RAPGEF2: variants seen among roughly 807,000 people sequenced by gnomAD.
RAPGEF2 encodes the protein Rap guanine nucleotide exchange factor 2.
In RAPGEF2, 54 loss-of-function variants were observed where a neutral mutation model predicts 186.7. The ratio of observed to expected loss-of-function variants is 0.29; its 90% CI spans 0.23 to 0.36. RAPGEF2 has a LOEUF of 0.36. RAPGEF2 is among the 10% of genes least tolerant of loss of function. The pLI, the probability that RAPGEF2 is intolerant of heterozygous loss-of-function variation, is 1.00. For missense variants in RAPGEF2, 1,532 were observed against 2,045.0 expected, an observed-to-expected ratio of 0.75 and a Z score of 4.84; for synonymous variants, 712 against 705.9, an observed-to-expected ratio of 1.01 and a Z score of -0.14.
chr4:159,269,666 T>C (rs1001228666), intron 7 of RAPGEF2, among the ~76,000 whole-genome samples: 1 of 152,174 alleles, frequency 6.6e-6, no homozygotes, highest in South Asian at 2.1e-4. Flanking sequence ...AGTGTGTGTA[T>C]GTTTGTGTGT....
intron 1 of RAPGEF2, among the ~76,000 whole-genome samples, chr4:159,138,986 C>T (rs995616502): frequency 6.6e-6 from 1 of 152,180 alleles, no homozygotes; most frequent in Non-Finnish European, 1.5e-5. Flanking sequence ...AATAGAGTCT[C>T]AGGCAACTTG....
chr4:159,214,866 T>C (rs552378719), intron 4 of RAPGEF2, among the ~76,000 whole-genome samples: 68 of 152,336 alleles, frequency 4.5e-4, no homozygotes, highest in African/African-American at 1.6e-3. Flanking sequence ...ACAATTTTTA[T>C]TTTGTGGGGA....
intron 1 of RAPGEF2, among the ~76,000 whole-genome samples, chr4:159,178,745 A>G (rs1746720448): frequency 6.6e-6 from 1 of 151,362 alleles, no homozygotes; most frequent in South Asian, 2.1e-4. Context: ...TTTAGTAGAG[A>G]CGGGGGTTTC....
intron 7 of RAPGEF2, among the ~76,000 whole-genome samples, chr4:159,299,375 G>A (rs1159030619): frequency 6.6e-6 from 1 of 150,832 alleles, no homozygotes; most frequent in Admixed American, 6.6e-5. Flanking sequence ...GGATTTCTCA[G>A]CAGTCCTAAG....
intron 5 of RAPGEF2, among the ~76,000 whole-genome samples, chr4:159,240,816 T>G (rs1211769641): frequency 6.6e-6 from 1 of 151,308 alleles, no homozygotes; most frequent in Non-Finnish European, 1.5e-5. Flanking sequence ...GGTTTTTTTT[T>G]TTTTTTTTTT....
chr4:159,346,752 A>G (rs1561325835), intron 24 of RAPGEF2, 37 bp from the exon 25 acceptor site: 2 of 1,557,508 alleles, frequency 1.3e-6, no homozygotes, highest in Non-Finnish European at 8.8e-7. Flanking sequence ...AGCATCTAAA[A>G]TTCTTTGTTC....
At chr4:159,150,313 C>G (rs1440862993) in intron 1 of RAPGEF2, among the ~76,000 whole-genome samples, 1 of 152,018 alleles carries the variant, frequency 6.6e-6, no homozygotes, top group Non-Finnish European at 1.5e-5. Context: ...ATACATAACC[C>G]CATATTATGT....
rs755586755 is a variant in RAPGEF2, at chr4:159,137,210, A to G, written c.69+32979A>G. Among the ~76,000 whole-genome samples, 14 of 152,316 alleles carry G rather than the reference A, an allele frequency of 9.2e-5. 1 individual carries two copies. In the South Asian group the frequency reaches 2.1e-3, roughly 23 times the overall value. On this transcript the variant is annotated intron_variant, in intron 1 of 29. Coordinates refer to ENST00000691494, the MANE Select transcript of RAPGEF2 (RefSeq NM_001394067.2). ...CCATAGACAGGGTGGCTTAAACAACATAAATTTATTTTCTCACAGTCCTGG... is the reference window on the plus strand; with the variant it reads ...CCATAGACAGGGTGGCTTAAACAACGTAAATTTATTTTCTCACAGTCCTGG...
At chr4:159,314,484 AATAAAT>A in intron 8 of RAPGEF2, 101 bp from the exon 9 acceptor site, 1 of 1,064,254 alleles carries the variant, frequency 9.4e-7, no homozygotes, top group Non-Finnish European at 1.3e-6. Flanking sequence ...TGGATGGAAA[AATAAAT>A]ATAACAAGCA....
At chr4:159,141,522 C>G (rs1742331812) in intron 1 of RAPGEF2, among the ~76,000 whole-genome samples, 1 of 151,888 alleles carries the variant, frequency 6.6e-6, no homozygotes, top group Admixed American at 6.6e-5. Context: ...TTTGTAGATG[C>G]TTTTTGTGAG....
intron 26 of RAPGEF2, chr4:159,351,208 G>A (rs1485514427): frequency 2.6e-6 from 4 of 1,527,170 alleles, no homozygotes; most frequent in Non-Finnish European, 3.5e-6. Flanking sequence ...CAAAAATGGG[G>A]TGGGAAAGAG....
intron 7 of RAPGEF2, chr4:159,267,786 T>G (rs1038830657): frequency 4.9e-6 from 5 of 1,015,722 alleles, no homozygotes; most frequent in Non-Finnish European, 5.9e-6. Flanking sequence ...CATTTTAGCT[T>G]TTTTCTTTTT....
At chr4:159,255,565 A>C (rs1213747492) in intron 7 of RAPGEF2, among the ~76,000 whole-genome samples, 1 of 152,180 alleles carries the variant, frequency 6.6e-6, no homozygotes, top group Non-Finnish European at 1.5e-5. Flanking sequence ...GCCTTTGGAA[A>C]GGCACCAGAA....
intron 1 of RAPGEF2, among the ~76,000 whole-genome samples, chr4:159,142,800 C>A (rs1742497868): frequency 6.6e-6 from 1 of 152,212 alleles, no homozygotes; most frequent in African/African-American, 2.4e-5. Flanking sequence ...CTGCGTTAAA[C>A]ATTTCACCTG....
chr4:159,196,568 C>T lies in RAPGEF2; in HGVS notation c.197+3312C>T, dbSNP rs1177902776. ...CCACCCCTGTACCTCGTTTTTCTCA[C>T]CTATAATGTGGAACCGATAATAATA... On this transcript the variant is annotated intron_variant, in intron 3 of 29. Transcript: ENST00000691494. Among the ~76,000 whole-genome samples, 3 of 152,162 alleles carry T rather than the reference C, an allele frequency of 2.0e-5. No homozygotes were observed. In the East Asian group the frequency reaches 5.8e-4, roughly 29 times the overall value.
intron 6 of RAPGEF2, among the ~76,000 whole-genome samples, chr4:159,242,242 C>T (rs1403028871): frequency 2.7e-5 from 4 of 150,142 alleles, no homozygotes; most frequent in Admixed American, 2.7e-4. Flanking sequence ...GCATATAATA[C>T]CATTAAATGA....
intron 7 of RAPGEF2, among the ~76,000 whole-genome samples, chr4:159,258,845 C>G (rs908697146): frequency 5.3e-5 from 8 of 152,104 alleles, no homozygotes; most frequent in African/African-American, 1.9e-4. Context: ...GATCTTCCTG[C>G]TTTAACAGGT....
intron 1 of RAPGEF2, among the ~76,000 whole-genome samples, chr4:159,161,105 GAT>G (rs1373671197): frequency 6.6e-6 from 1 of 152,046 alleles, no homozygotes; most frequent in Non-Finnish European, 1.5e-5. Context: ...TCCCATGTAT[GAT>G]TAAAAAAACA....
intron 1 of RAPGEF2, among the ~76,000 whole-genome samples, chr4:159,109,410 A>G (rs1324008485): frequency 1.3e-5 from 2 of 152,214 alleles, no homozygotes; most frequent in Non-Finnish European, 2.9e-5. Context: ...TCCGTATTTT[A>G]TGGGGTATTC....
Sources: gnomAD v4.1 joint callset for allele counts (sites outside exome capture counted in the v4.1 genomes callset) on GRCh38, gnomAD v4.1.1 for gene constraint, MANE v1.5 for transcripts, NCBI Gene and HGNC (gene_info 2026-07-23, HGNC 2026-07-21) for gene names.